CGRRF1: variants seen among roughly 807,000 people sequenced by gnomAD.
The protein encoded by CGRRF1 is cell growth regulator with ring finger domain 1.
CGRRF1 carries 32 observed loss-of-function variants against 37.2 expected under a neutral mutation model. That is an observed-to-expected ratio of 0.86 (90% CI 0.65 to 1.16). The LOEUF (loss-of-function observed/expected upper bound fraction) is 1.16, where lower values mean the gene tolerates loss of function less well. CGRRF1 is among the 50% of genes most tolerant of loss of function. The probability of loss-of-function intolerance (pLI) is 0.00; values close to 1 mark genes in which losing one functional copy is unlikely to be tolerated. For missense variants in CGRRF1, 391 were observed against 382.6 expected (o/e 1.02, Z -0.18); for synonymous variants, 141 against 140.3 (o/e 1.00, Z -0.04).
chr14:54,533,312 CTTG>C (rs2032549607), intron 4 of CGRRF1, among the ~76,000 whole-genome samples: 1 of 152,184 alleles, frequency 6.6e-6, no homozygotes, highest in Non-Finnish European at 1.5e-5. Context: ...TTGTGGGAGG[CTTG>C]TTCCCATAGG....
At position 54,510,052 on chromosome 14, in the gene CGRRF1, G is replaced by A; in HGVS notation, c.93G>A (p.Leu31=). ...VFTCFIVTTG[L]VLGWFGWDVP... ...CCTGCTTCATCGTGACCACCGGCCT[G>A]GTATTGGGATGGTAAGTGTCCCAGG... Residue 31 remains leucine, a synonymous_variant, in exon 1 of 6, where the codon CTG becomes CTA. Coordinates refer to ENST00000216420, the MANE Select transcript of CGRRF1 (RefSeq NM_006568.3). 6.2e-7 allele frequency: 1 copy of A among 1,610,978 alleles called. No individual in the cohort carries two copies. The highest frequency in any genetic ancestry group is 8.5e-7 in the Non-Finnish European group (1 of 1,177,238).
intron 2 of CGRRF1, among the ~76,000 whole-genome samples, chr14:54,523,870 C>T (rs772949395): frequency 3.9e-5 from 6 of 151,980 alleles, no homozygotes; most frequent in Non-Finnish European, 8.8e-5. Context: ...TTTTCTGGGC[C>T]GAGACCCTGT....
intron 1 of CGRRF1, among the ~76,000 whole-genome samples, chr14:54,519,599 A>G (rs892926141): frequency 6.6e-6 from 1 of 151,934 alleles, no homozygotes; most frequent in African/African-American, 2.4e-5. Context: ...GTATTGACCT[A>G]ATCCAGCTCC....
chr14:54,537,124 A>G (rs574175670), intron 4 of CGRRF1: 11 of 152,266 alleles, frequency 7.2e-5, no homozygotes, highest in Non-Finnish European at 1.2e-4. Flanking sequence ...ATTTTTGTAC[A>G]TAATTACGTC....
In CGRRF1 at chr14:54,528,964, CAT is replaced by C. The variant is rs367867507; in HGVS notation, c.245-1081_245-1080del. 2.2e-3 allele frequency among the ~76,000 whole-genome samples: 330 copies of C among 152,234 alleles called. 1 individual carries two copies. The highest frequency in any genetic ancestry group is 3.4e-3 in the Middle Eastern group (1 of 294). ...CTTGTATTTGTGTATCTTCTTCTAA[CAT>C]ATACTCTTGATCACATTTTAAAAAA... On this transcript the variant is annotated intron_variant, in intron 2 of 5. Coordinates refer to ENST00000216420, the MANE Select transcript of CGRRF1 (RefSeq NM_006568.3).
rs2140069345 is a variant in CGRRF1, at chr14:54,538,303, A to G, written c.919A>G (p.Met307Val). ...TGTGAAGTATTTTCAGCAGTGCCCA[A>G]TGTGCAGGCAGTTTGTTCAGGAATC... is the stretch of plus-strand genomic sequence containing the variant. Reference protein sequence around the residue: ...GCVKYFQQCPMCRQFVQESFA... With the variant: ...GCVKYFQQCPVCRQFVQESFA... The change falls in exon 6 of 6, where the codon ATG becomes GTG. Residue 307 changes from methionine (M) to valine (V), a missense_variant. Physicochemically the swap from Met to Val is conservative, Grantham distance 21. Transcript: ENST00000216420. 1.2e-6 allele frequency: 2 copies of G among 1,614,208 alleles called. No homozygotes were observed. Among genetic ancestry groups the G allele is most frequent in the South Asian group, 2.2e-5 (2 of 91,090 alleles).
intron 2 of CGRRF1, among the ~76,000 whole-genome samples, chr14:54,525,194 C>A (rs948354225): frequency 6.6e-6 from 1 of 152,244 alleles, no homozygotes; most frequent in Non-Finnish European, 1.5e-5. Context: ...GCAAGGCCTT[C>A]CTTCCTGCAG....
chr14:54,515,682 G>GTAA lies in CGRRF1; in HGVS notation c.104+5622_104+5624dup, dbSNP rs1036498530. 4.6e-5 allele frequency among the ~76,000 whole-genome samples: 7 copies of GTAA among 152,248 alleles called. 1 individual carries two copies. Among genetic ancestry groups the GTAA allele is most frequent in the Admixed American group, 6.5e-5 (1 of 15,290 alleles). On this transcript the variant is annotated intron_variant, in intron 1 of 5. Coordinates refer to ENST00000216420, the MANE Select transcript of CGRRF1 (RefSeq NM_006568.3). ...TATGAAATGGACCTCTTTGATCCTG[G>GTAA]TAATAGTCTTTGCTCTGAGATCTAC...
rs935043483 is a variant in CGRRF1, at chr14:54,515,090, G to GTTTT, written c.104+5041_104+5044dup. Among the ~76,000 whole-genome samples the GTTTT allele has an allele frequency of 1.1e-3, 137 of 124,172 alleles. 1 individual carries two copies. Among genetic ancestry groups the GTTTT allele is most frequent in the East Asian group, 4.6e-3 (21 of 4,522 alleles). The allele number at this position is 124,172 out of a possible 152,430, so 81.5% of individuals were successfully genotyped here. A position where few individuals can be genotyped will look rare whatever the true frequency, so the allele number is the denominator to read the frequency against. ...TCTGCTATTATTGGGTGAGTTTTTT[G>GTTTT]TTTTTTTTTTTTTTTTTGAGACAGA... On this transcript the variant is annotated intron_variant, in intron 1 of 5. Transcript: ENST00000216420.
chr14:54,518,698 G>A (rs948209146), intron 1 of CGRRF1, among the ~76,000 whole-genome samples: 2 of 152,090 alleles, frequency 1.3e-5, no homozygotes, highest in African/African-American at 2.4e-5. Context: ...CTAATGATCA[G>A]TGATGTTGAG....
chr14:54,524,462 T>G (rs533841157), intron 2 of CGRRF1, among the ~76,000 whole-genome samples: 1 of 150,858 alleles, frequency 6.6e-6, no homozygotes. Flanking sequence ...CATACCTCAC[T>G]GCAGCCCCAA....
intron 2 of CGRRF1, among the ~76,000 whole-genome samples, chr14:54,525,517 G>A (rs60799374): frequency 0.052 from 7,950 of 152,172 alleles, 401 homozygotes; most frequent in East Asian, 0.28. Flanking sequence ...TTAAAATACC[G>A]ATGCATATCA....
intron 2 of CGRRF1, among the ~76,000 whole-genome samples, chr14:54,525,707 G>A (rs2032399936): frequency 6.6e-6 from 1 of 152,170 alleles, no homozygotes; most frequent in Non-Finnish European, 1.5e-5. Flanking sequence ...CATTTGATGT[G>A]TAGATAGTTT....
At chr14:54,535,389 ACAC>A (rs1440357658) in intron 4 of CGRRF1, among the ~76,000 whole-genome samples, 1 of 150,486 alleles carries the variant, frequency 6.6e-6, no homozygotes, top group African/African-American at 2.4e-5. Flanking sequence ...ACACACACAC[ACAC>A]ACTTTTTGTA....
Position 54,530,948 on chromosome 14 carries a change from A to G in CGRRF1, c.468A>G (p.Arg156=). The G allele has an allele frequency of 6.3e-7, 1 of 1,598,464 alleles. No homozygotes were observed. Among genetic ancestry groups the G allele is most frequent in the Non-Finnish European group, 8.6e-7 (1 of 1,165,786 alleles). Residue 156 remains arginine (R), a synonymous_variant, in exon 4 of 6, where the codon AGA becomes AGG. Coordinates refer to ENST00000216420, the MANE Select transcript of CGRRF1 (RefSeq NM_006568.3). ...SKEEIYCQLP[R]DTKIEDFGTV... is the part of the protein sequence containing the mutation. ...AAGAAATATATTGCCAGTTACCAAG[A>G]GATACTAAAATTGAAGACTTTGGTA...
intron 1 of CGRRF1, 141 bp downstream of exon 1, chr14:54,510,204 A>G: frequency 1.6e-6 from 1 of 634,386 alleles, no homozygotes; most frequent in Admixed American, 2.7e-5. Context: ...TAGAACTCCG[A>G]CTTTCTCTGG....
chr14:54,525,292 A>G (rs549256488), intron 2 of CGRRF1, among the ~76,000 whole-genome samples: 3 of 152,356 alleles, frequency 2.0e-5, no homozygotes, highest in East Asian at 3.9e-4. Flanking sequence ...TGAGGCAGAA[A>G]GTGTGAGGAA....
chr14:54,513,634 A>C (rs2032168660), intron 1 of CGRRF1, among the ~76,000 whole-genome samples: 1 of 151,894 alleles, frequency 6.6e-6, no homozygotes. Context: ...ATGTTATGTT[A>C]TGTTATTTTT....
At chr14:54,537,564 G>T (rs916540889) in intron 4 of CGRRF1, 158 bp from the exon 5 acceptor site, 2 of 703,730 alleles carry the variant, frequency 2.8e-6, no homozygotes, top group Non-Finnish European at 4.0e-6. Flanking sequence ...TCAGATTGAC[G>T]TAAATTTTCT....
Sources: gnomAD v4.1 joint callset for allele counts (sites outside exome capture counted in the v4.1 genomes callset) on GRCh38, gnomAD v4.1.1 for gene constraint, MANE v1.5 for transcripts, NCBI Gene and HGNC (gene_info 2026-07-23, HGNC 2026-07-21) for gene names.